The following HDAC9 variants were observed in gnomAD, a reference collection of about 807,000 sequenced individuals.
HDAC9 encodes the protein histone deacetylase 9, also known as MEF-2 interacting transcription repressor (MITR) protein.
In HDAC9, 41 loss-of-function variants were observed where a neutral mutation model predicts 139.4. That is an observed-to-expected ratio of 0.29 (90% CI 0.23 to 0.38). HDAC9 has a LOEUF of 0.38. Ranked by LOEUF, HDAC9 falls within the 10% of genes least tolerant of loss-of-function variation. The probability of loss-of-function intolerance (pLI) is 1.00; values close to 1 mark genes in which losing one functional copy is unlikely to be tolerated. For missense variants in HDAC9, 1,147 were observed against 1,297.0 expected (o/e 0.88, Z 1.78); for synonymous variants, 517 against 476.2 (o/e 1.09, Z -1.12).
intron 1 of HDAC9, among the ~76,000 whole-genome samples, chr7:18,446,623 C>G (rs995319663): frequency 2.0e-5 from 3 of 152,212 alleles, no homozygotes; most frequent in African/African-American, 7.2e-5. Context: ...TCCACATCCT[C>G]AGCAAAAGCA....
rs559008247 is a variant in HDAC9, at chr7:18,749,596, T to A, written c.2043+458T>A. ...CATTTCTTTTTATTGAAATGATTGA[T>A]GTGTTTATAACTTGATGAAGGGATT... On this transcript the variant is annotated intron_variant, in intron 14 of 25. Coordinates refer to ENST00000686413, the MANE Select transcript of HDAC9 (RefSeq NM_178425.4). Among the ~76,000 whole-genome samples, 3 of 152,354 alleles carry A rather than the reference T, an allele frequency of 2.0e-5. No homozygotes were observed. In the South Asian group the frequency reaches 6.2e-4, roughly 32 times the overall value.
At chr7:18,124,612 C>T (rs979831851) in intron 1 of HDAC9, among the ~76,000 whole-genome samples, 2 of 152,080 alleles carry the variant, frequency 1.3e-5, no homozygotes, top group African/African-American at 2.4e-5. Flanking sequence ...GGTGTGCACC[C>T]GTGAGGCCTT....
rs539901115 is a variant in HDAC9 at position 18,613,911 on chromosome 7, G to A, written c.665-15439G>A. 3.8e-3 allele frequency among the ~76,000 whole-genome samples: 573 copies of A among 152,054 alleles called. 1 individual carries two copies. Among genetic ancestry groups the A allele is most frequent in the South Asian group, 0.016 (78 of 4,810 alleles). ...TCATGGGCTGCCCTTTCATTCATCT[G>A]CTTTACCTCTCTATTTTTACCACCG... On this transcript the variant is annotated intron_variant, in intron 6 of 25. Coordinates refer to ENST00000686413, the MANE Select transcript of HDAC9 (RefSeq NM_178425.4).
intron 2 of HDAC9, among the ~76,000 whole-genome samples, chr7:18,244,033 T>C (rs1272255900): frequency 1.3e-5 from 2 of 152,198 alleles, no homozygotes; most frequent in African/African-American, 2.4e-5. Flanking sequence ...TGGAGGGGAA[T>C]AGACTGTTGC....
intron 21 of HDAC9, among the ~76,000 whole-genome samples, chr7:18,846,004 G>A (rs2129219567): frequency 6.6e-6 from 1 of 152,240 alleles, no homozygotes; most frequent in Middle Eastern, 3.4e-3. Context: ...GGGCTTCCTG[G>A]GGTGTGTACC....
At chr7:18,900,929 G>A (rs973846857) in intron 22 of HDAC9, among the ~76,000 whole-genome samples, 31 of 151,920 alleles carry the variant, frequency 2.0e-4, no homozygotes, top group African/African-American at 7.5e-4. Context: ...AAATATACTT[G>A]GGAAGAAATG....
chr7:18,750,051 A>C (rs1425098648), intron 14 of HDAC9, among the ~76,000 whole-genome samples: 1 of 152,224 alleles, frequency 6.6e-6, no homozygotes, highest in East Asian at 1.9e-4. Flanking sequence ...AATTCAACTT[A>C]GGTTTAAACT....
chr7:18,837,493 C>G (rs1360358018), intron 21 of HDAC9, among the ~76,000 whole-genome samples: 1 of 151,904 alleles, frequency 6.6e-6, no homozygotes, highest in Non-Finnish European at 1.5e-5. Context: ...TGTCTGCCTC[C>G]CAAGTTAACC....
chr7:18,591,712 G>T (rs1831044473), intron 5 of HDAC9, 70 bp downstream of exon 5: 2 of 1,565,536 alleles, frequency 1.3e-6, no homozygotes, highest in South Asian at 2.4e-5. Context: ...GCCGACCTGG[G>T]TACACATCCT....
chr7:18,618,099 A>G (rs1270698221), intron 6 of HDAC9, among the ~76,000 whole-genome samples: 2 of 152,338 alleles, frequency 1.3e-5, no homozygotes, highest in South Asian at 2.1e-4. Context: ...AAATTTTCAG[A>G]TAAACATCAG....
intron 1 of HDAC9, among the ~76,000 whole-genome samples, chr7:18,148,603 C>T (rs1239921947): frequency 6.6e-6 from 1 of 152,104 alleles, no homozygotes; most frequent in Non-Finnish European, 1.5e-5. Context: ...ATTACAGGCG[C>T]TCGCCACCAC....
chr7:18,716,016 A>G (rs569863155), intron 12 of HDAC9, among the ~76,000 whole-genome samples: 5 of 152,328 alleles, frequency 3.3e-5, no homozygotes, highest in African/African-American at 1.2e-4. Context: ...GTTACTTGTC[A>G]TGTCTCTCGT....
At chr7:18,623,261 C>T (rs1840727563) in intron 6 of HDAC9, among the ~76,000 whole-genome samples, 1 of 151,758 alleles carries the variant, frequency 6.6e-6, no homozygotes, top group African/African-American at 2.4e-5. Flanking sequence ...TATAAGCAGG[C>T]AAATTAGAAA....
intron 1 of HDAC9, among the ~76,000 whole-genome samples, chr7:18,373,010 A>G (rs551855581): frequency 2.9e-4 from 44 of 152,286 alleles, no homozygotes; most frequent in African/African-American, 1.0e-3. Context: ...TGTAATTTTA[A>G]TAATTATTTT....
intron 1 of HDAC9, among the ~76,000 whole-genome samples, chr7:18,149,789 T>C (rs558000635): frequency 3.3e-5 from 5 of 152,120 alleles, no homozygotes; most frequent in African/African-American, 7.2e-5. Context: ...CTCCTGACCT[T>C]GTGATCTGCC....
intron 1 of HDAC9, among the ~76,000 whole-genome samples, chr7:18,094,755 C>T (rs1223007766): frequency 6.6e-6 from 1 of 152,036 alleles, no homozygotes; most frequent in Non-Finnish European, 1.5e-5. Flanking sequence ...CGTGCCAGGC[C>T]CTTACATTTT....
In HDAC9 at chr7:18,798,729, T is replaced by C. The variant is rs150357733; in HGVS notation, c.2322+5277T>C. On this transcript the variant is annotated intron_variant, in intron 17 of 25. Transcript: ENST00000686413. ...ATTTGTTGTGAAAAATTAGTGGCGATCACTCAACTTTATGGCTGCTTGAGG... is the reference window on the plus strand; with the variant it reads ...ATTTGTTGTGAAAAATTAGTGGCGACCACTCAACTTTATGGCTGCTTGAGG... 1.4e-4 allele frequency among the ~76,000 whole-genome samples: 22 copies of C among 152,268 alleles called. No homozygotes were observed. In the East Asian group the frequency reaches 4.2e-3, roughly 29 times the overall value.
In HDAC9 at chr7:18,320,498, G is replaced by A. The variant is rs1203782329; in HGVS notation, c.-42+29983G>A. 3.3e-5 allele frequency among the ~76,000 whole-genome samples: 5 copies of A among 152,216 alleles called. No individual in the cohort carries two copies. In the South Asian group the frequency reaches 6.2e-4, roughly 19 times the overall value. ...GTGGCTCTTCAGAGTATCCCTTATT[G>A]TCAATCACGTTAACTAATCACCAGC... On this transcript the variant is annotated intron_variant, in intron 1 of 3. Transcript: ENST00000413509.
intron 2 of HDAC9, among the ~76,000 whole-genome samples, chr7:18,504,237 C>T (rs1472095112): frequency 4.6e-5 from 7 of 152,074 alleles, no homozygotes; most frequent in Non-Finnish European, 7.4e-5. Context: ...TATCACCACC[C>T]GTTTTTGTTT....
Sources: allele counts gnomAD v4.1 joint callset (sites outside exome capture counted in the v4.1 genomes callset), GRCh38; gene constraint gnomAD v4.1.1; transcripts MANE v1.5; gene names NCBI Gene and HGNC (gene_info 2026-07-23, HGNC 2026-07-21).